CALN1: variants seen among roughly 807,000 people sequenced by gnomAD.
CALN1 encodes the protein calcium-binding protein 8.
CALN1 carries 17 observed loss-of-function variants against 30.6 expected under a neutral mutation model. That is an observed-to-expected ratio of 0.56 (90% CI 0.38 to 0.83). The LOEUF (loss-of-function observed/expected upper bound fraction) is 0.83, where lower values mean the gene tolerates loss of function less well. Among genes scored for constraint, CALN1 ranks in the 40% least tolerant of loss-of-function variants. The pLI is 0.00. For synonymous variants in CALN1, 156 were observed against 131.4 expected (o/e 1.19, Z -1.28); for missense variants, 291 against 354.9 (o/e 0.82, Z 1.45).
At chr7:72,278,290 C>T (rs1585340271) in intron 3 of CALN1, among the ~76,000 whole-genome samples, 1 of 152,164 alleles carries the variant, frequency 6.6e-6, no homozygotes, top group East Asian at 1.9e-4. Context: ...ATTAACAGGG[C>T]TTAAACCTCC....
chr7:72,368,140 T>A (rs1004814869), intron 2 of CALN1, among the ~76,000 whole-genome samples: 1 of 151,268 alleles, frequency 6.6e-6, no homozygotes, highest in African/African-American at 2.4e-5. Context: ...CATATCTGTA[T>A]CTATATCTAT....
intron 5 of CALN1, among the ~76,000 whole-genome samples, chr7:71,972,938 A>G (rs1797920989): frequency 1.3e-5 from 2 of 152,152 alleles, no homozygotes; most frequent in African/African-American, 4.8e-5. Context: ...TCATGAAAAG[A>G]GGGACAGTTC....
At chr7:72,208,685 T>C (rs894877590) in intron 3 of CALN1, among the ~76,000 whole-genome samples, 5 of 152,226 alleles carry the variant, frequency 3.3e-5, no homozygotes, top group African/African-American at 1.2e-4. Flanking sequence ...GTATATTAAT[T>C]TGTAATGGGA....
chr7:72,501,377 A>T, the CALN1 span, among the ~76,000 whole-genome samples: 1 of 102,702 alleles, frequency 9.7e-6, no homozygotes, highest in Non-Finnish European at 2.3e-5. Context: ...TATTAAAAAA[A>T]AAAAAAAAAA....
intron 1 of CALN1, among the ~76,000 whole-genome samples, chr7:72,426,477 G>A (rs1355875165): frequency 2.0e-5 from 3 of 152,180 alleles, no homozygotes; most frequent in African/African-American, 7.2e-5. Context: ...TGAAGGACAC[G>A]TTTGCTTCCC....
At chr7:72,201,375 G>A (rs550628282) in intron 3 of CALN1, among the ~76,000 whole-genome samples, 22 of 152,030 alleles carry the variant, frequency 1.4e-4, no homozygotes, top group Non-Finnish European at 2.5e-4. Flanking sequence ...GATCACTTGA[G>A]GTCAGACATT....
intron 4 of CALN1, among the ~76,000 whole-genome samples, chr7:72,098,361 G>C (rs938705341): frequency 2.0e-5 from 3 of 152,130 alleles, no homozygotes; most frequent in Non-Finnish European, 4.4e-5. Flanking sequence ...GAGCCAAGGA[G>C]GAGACCCCAG....
At chr7:72,404,178 T>C (rs1051326423) in intron 1 of CALN1, among the ~76,000 whole-genome samples, 2 of 152,172 alleles carry the variant, frequency 1.3e-5, no homozygotes, top group Non-Finnish European at 2.9e-5. Context: ...CTCCCTTGGT[T>C]GGGTTAAGGC....
In CALN1 at chr7:72,095,027, A is replaced by G. The variant is rs1304121160; in HGVS notation, c.388+11124T>C. On this transcript the variant is annotated intron_variant, in intron 4 of 6. Transcript: ENST00000395275. ...TGTGTGTGTGTTTTTCAGAGTTTCA[A>G]TGTCCTGTTGTCACCCTCAGTGACC... is the stretch of plus-strand genomic sequence containing the variant. Among the ~76,000 whole-genome samples the G allele has an allele frequency of 3.9e-5, 6 of 152,146 alleles. No individual in the cohort carries two copies. The East Asian group carries it at 9.6e-4, about 24-fold the overall frequency.
chr7:72,495,179 C>T, the CALN1 span, among the ~76,000 whole-genome samples: 1 of 152,144 alleles, frequency 6.6e-6, no homozygotes, highest in Non-Finnish European at 1.5e-5. Flanking sequence ...TTTTCCATTC[C>T]CATTTGAAGG....
intron 2 of CALN1, among the ~76,000 whole-genome samples, chr7:72,327,286 G>A (rs779740024): frequency 6.6e-5 from 10 of 152,156 alleles, no homozygotes; most frequent in Non-Finnish European, 1.3e-4. Context: ...TTGAGGTCAG[G>A]AGTTTGACAC....
rs1161034750 is a variant in CALN1 at position 72,412,240 on chromosome 7, CTTT to C, written c.-259_-257del. On this transcript the variant is annotated 5_prime_UTR_variant, in exon 1 of 7. Coordinates refer to ENST00000395275, the MANE Select transcript of CALN1 (RefSeq NM_031468.4). Reference sequence around the variant, plus strand: ...CGAAGACGCAGACCGCGGCCGTGAGCTTTAAAGGTGGCGCGGACCCAGAGTAAG... The same window carrying C: ...CGAAGACGCAGACCGCGGCCGTGAGCAAAGGTGGCGCGGACCCAGAGTAAG... 1 of 152,230 alleles carries C rather than the reference CTTT, an allele frequency of 6.6e-6. No homozygotes were observed. Among genetic ancestry groups the C allele is most frequent in the Non-Finnish European group, 1.5e-5 (1 of 68,072 alleles). 9.4% of individuals were successfully genotyped at this position (152,230 alleles called of 1,614,324 possible). A position where few individuals can be genotyped will look rare whatever the true frequency, so the allele number is the denominator to read the frequency against.
intron 1 of CALN1, among the ~76,000 whole-genome samples, chr7:72,424,845 C>T (rs1011313164): frequency 1.3e-5 from 2 of 152,090 alleles, no homozygotes; most frequent in Non-Finnish European, 2.9e-5. Context: ...GATTCTCTTG[C>T]CTCAACCTCC....
intron 3 of CALN1, among the ~76,000 whole-genome samples, chr7:72,187,225 T>G (rs1379083514): frequency 6.6e-6 from 1 of 152,214 alleles, no homozygotes; most frequent in Non-Finnish European, 1.5e-5. Flanking sequence ...GGGTGTCTTG[T>G]CTGACACATT....
intron 1 of CALN1, among the ~76,000 whole-genome samples, chr7:72,440,050 A>G (rs1808303080): frequency 6.6e-6 from 1 of 152,242 alleles, no homozygotes; most frequent in South Asian, 2.1e-4. Flanking sequence ...TAAATGCCAG[A>G]AAGCTTTGGT....
At chr7:72,145,595 G>C (rs1269905289) in intron 3 of CALN1, among the ~76,000 whole-genome samples, 1 of 152,180 alleles carries the variant, frequency 6.6e-6, no homozygotes, top group Non-Finnish European at 1.5e-5. Context: ...AATAGAAAAA[G>C]AGGGAATCCT....
chr7:72,136,179 T>G (rs1809500895), intron 3 of CALN1, among the ~76,000 whole-genome samples: 1 of 77,476 alleles, frequency 1.3e-5, no homozygotes, highest in South Asian at 4.1e-4. Flanking sequence ...AAAGGGCTGG[T>G]TTTTTCTGCA....
At chr7:72,054,044 T>C (rs1009895004) in intron 4 of CALN1, among the ~76,000 whole-genome samples, 2 of 152,306 alleles carry the variant, frequency 1.3e-5, no homozygotes, top group African/African-American at 2.4e-5. Context: ...CACTCATTGA[T>C]TGATGGGCAT....
chr7:71,787,736 C>A lies in CALN1; in HGVS notation c.*39G>T, dbSNP rs111497562. 1.2e-6 allele frequency: 2 copies of A among 1,609,574 alleles called. No individual in the cohort carries two copies. Among genetic ancestry groups the A allele is most frequent in the Non-Finnish European group, 1.7e-6 (2 of 1,178,168 alleles). On this transcript the variant is annotated 3_prime_UTR_variant, in exon 7 of 7. Transcript: ENST00000395275. ...AGTCTGCCCGCACGGCATGCACATG[C>A]GCGGTGAGCTGCAACACAGTGTGGC...
Sources: allele counts gnomAD v4.1 joint callset (sites outside exome capture counted in the v4.1 genomes callset), GRCh38; gene constraint gnomAD v4.1.1; transcripts MANE v1.5; gene names NCBI Gene and HGNC (gene_info 2026-07-23, HGNC 2026-07-21).